Variants in EFNA5 observed in about 807,000 individuals in gnomAD.
EFNA5 encodes ephrin-A5.
In EFNA5, 5 loss-of-function variants were observed where a neutral mutation model predicts 22.9. That is an observed-to-expected ratio of 0.22 (90% confidence interval 0.11 to 0.46). The LOEUF is 0.46. EFNA5 is among the 20% of genes least tolerant of loss of function. EFNA5 has a pLI of 0.99. For missense variants in EFNA5, 237 were observed against 293.3 expected (o/e 0.81, Z 1.40); for synonymous variants, 113 against 112.2 (o/e 1.01, Z -0.04).
At chr5:107,630,586 G>T (rs1200628729) in intron 1 of EFNA5, among the ~76,000 whole-genome samples, 2 of 148,714 alleles carry the variant, frequency 1.3e-5, no homozygotes, top group East Asian at 4.0e-4. Context: ...GAGTCGGTGA[G>T]TGAGTGGTGA....
chr5:107,395,077 C>T (rs1337293312), intron 2 of EFNA5, among the ~76,000 whole-genome samples: 1 of 112,988 alleles, frequency 8.9e-6, no homozygotes. Context: ...CTCATTCTGT[C>T]GCCCAGGCTG....
intron 1 of EFNA5, among the ~76,000 whole-genome samples, chr5:107,559,557 T>C (rs1042275983): frequency 3.3e-5 from 5 of 152,190 alleles, no homozygotes; most frequent in African/African-American, 1.2e-4. Context: ...ACTTTACATT[T>C]TACCAAAGAC....
rs34655229 is a variant in EFNA5, at chr5:107,571,539, C to CTT, written c.125+98948_125+98949dup. 1.2e-3 allele frequency among the ~76,000 whole-genome samples: 182 copies of CTT among 146,900 alleles called. 2 individuals carry two copies. The highest frequency in any genetic ancestry group is 7.8e-3 in the South Asian group (36 of 4,644). The stretch of plus-strand genomic sequence containing the variant: ...CTTATAAATTACCAAGGGTCATCCT[C>CTT]TTTTTTTTTTTTTAAAGAATAAAAT... On this transcript the variant is annotated intron_variant, in intron 1 of 4. Transcript: ENST00000333274.
At chr5:107,455,710 A>T (rs1283396211) in intron 1 of EFNA5, among the ~76,000 whole-genome samples, 1 of 152,162 alleles carries the variant, frequency 6.6e-6, no homozygotes, top group South Asian at 2.1e-4. Context: ...TCTCCTTAGG[A>T]CAATGCACAG....
chr5:107,576,147 G>A (rs542774640), intron 1 of EFNA5, among the ~76,000 whole-genome samples: 155 of 152,144 alleles, frequency 1.0e-3, no homozygotes, highest in Non-Finnish European at 1.8e-3. Flanking sequence ...TGTTGTAAAT[G>A]GATGTTTTCT....
intron 1 of EFNA5, among the ~76,000 whole-genome samples, chr5:107,456,830 G>A (rs984935114): frequency 6.6e-6 from 1 of 152,068 alleles, no homozygotes; most frequent in Non-Finnish European, 1.5e-5. Context: ...GATGTTTGGG[G>A]TCTGTAAGCC....
chr5:107,412,042 AC>A (rs1748381411), intron 2 of EFNA5, among the ~76,000 whole-genome samples: 1 of 152,228 alleles, frequency 6.6e-6, no homozygotes, highest in South Asian at 2.1e-4. Flanking sequence ...GAGTGTAGAC[AC>A]AGAAATGAAA....
chr5:107,550,631 T>C (rs1748274293), intron 1 of EFNA5, among the ~76,000 whole-genome samples: 1 of 152,204 alleles, frequency 6.6e-6, no homozygotes, highest in Non-Finnish European at 1.5e-5. Flanking sequence ...TATATTGAAA[T>C]AAAATGTATG....
At chr5:107,455,032 T>G (rs1749659749) in intron 1 of EFNA5, among the ~76,000 whole-genome samples, 1 of 152,170 alleles carries the variant, frequency 6.6e-6, no homozygotes, top group Non-Finnish European at 1.5e-5. Context: ...GATTTCCATC[T>G]ACCTGCTGGA....
chr5:107,429,632 G>C (rs1019018002), intron 1 of EFNA5, among the ~76,000 whole-genome samples: 36 of 152,122 alleles, frequency 2.4e-4, no homozygotes, highest in African/African-American at 8.7e-4. Context: ...AAATCATTCT[G>C]AGCCTCAGTT....
intron 2 of EFNA5, among the ~76,000 whole-genome samples, chr5:107,410,654 C>T (rs1055544844): frequency 2.0e-5 from 3 of 152,102 alleles, no homozygotes; most frequent in Non-Finnish European, 2.9e-5. Flanking sequence ...TTTAAGGCAT[C>T]AGAAAGTTTT....
intron 1 of EFNA5, among the ~76,000 whole-genome samples, chr5:107,644,559 T>A (rs184536179): frequency 2.0e-5 from 3 of 152,334 alleles, no homozygotes; most frequent in East Asian, 3.9e-4. Context: ...TATTTTTTCA[T>A]GAATAACTGT....
intron 1 of EFNA5, among the ~76,000 whole-genome samples, chr5:107,550,810 C>A (rs929685381): frequency 1.3e-5 from 2 of 152,080 alleles, no homozygotes; most frequent in Non-Finnish European, 2.9e-5. Context: ...TCAGGCCCTA[C>A]CAGTATTTTG....
chr5:107,647,307 C>T (rs1433504344), intron 1 of EFNA5, among the ~76,000 whole-genome samples: 5 of 152,104 alleles, frequency 3.3e-5, no homozygotes, highest in South Asian at 2.1e-4. Flanking sequence ...CACAATGCAT[C>T]GTGGGTATAA....
At chr5:107,464,632 C>T (rs991917056) in intron 1 of EFNA5, among the ~76,000 whole-genome samples, 2 of 152,278 alleles carry the variant, frequency 1.3e-5, no homozygotes, top group South Asian at 4.1e-4. Flanking sequence ...TAACTCAGCT[C>T]TCTGCTGTCC....
chr5:107,545,753 G>C (rs1285235390), intron 1 of EFNA5, among the ~76,000 whole-genome samples: 10 of 152,174 alleles, frequency 6.6e-5, no homozygotes, highest in Non-Finnish European at 1.5e-4. Flanking sequence ...AAGGGCCTCT[G>C]ATGGCTCTGT....
Position 107,379,033 on chromosome 5 carries a change from C to A in EFNA5, c.*2222G>T, listed in dbSNP as rs1747354531. On this transcript the variant is annotated 3_prime_UTR_variant, in exon 5 of 5. Transcript: ENST00000333274. ...TTTCTGCATATGACTGAGAGTACTG[C>A]ATATATAAATAGCTAAAGGAAAAAG... 2 of 151,892 alleles carry A rather than the reference C, an allele frequency of 1.3e-5. No homozygotes were observed. Among genetic ancestry groups the A allele is most frequent in the Non-Finnish European group, 2.9e-5 (2 of 67,988 alleles). 9.4% of individuals were successfully genotyped at this position (151,892 alleles called of 1,614,324 possible).
chr5:107,550,147 G>A (rs1475139848), intron 1 of EFNA5, among the ~76,000 whole-genome samples: 6 of 152,326 alleles, frequency 3.9e-5, no homozygotes, highest in East Asian at 3.9e-4. Flanking sequence ...TAAATGCAGA[G>A]ATGCTTTTAG....
At chr5:107,551,734 AT>A (rs1260353399) in intron 1 of EFNA5, among the ~76,000 whole-genome samples, 1 of 152,178 alleles carries the variant, frequency 6.6e-6, no homozygotes, top group African/African-American at 2.4e-5. Context: ...TCTTTGCAGT[AT>A]CGATTCATTC....
Sources: gnomAD v4.1 joint callset for allele counts (sites outside exome capture counted in the v4.1 genomes callset) on GRCh38, gnomAD v4.1.1 for gene constraint, MANE v1.5 for transcripts, NCBI Gene and HGNC (gene_info 2026-07-23, HGNC 2026-07-21) for gene names.